Variants in MAMDC2 observed in about 807,000 individuals in gnomAD.
MAMDC2 encodes the protein MAM domain containing 2, also known as MAM domain-containing protein 2.
In MAMDC2, 57 loss-of-function variants were observed where a neutral mutation model predicts 89.8. The observed-to-expected ratio is 0.63, with a 90% CI of 0.51 to 0.79. MAMDC2 has a LOEUF of 0.79. Ranked by LOEUF, MAMDC2 falls within the 30% of genes least tolerant of loss-of-function variation. MAMDC2 has a pLI of 0.00. For synonymous variants in MAMDC2, 313 were observed against 293.4 expected (o/e 1.07, Z -0.68); for missense variants, 800 against 820.6 (o/e 0.97, Z 0.31).
intron 12 of MAMDC2, among the ~76,000 whole-genome samples, chr9:70,218,974 A>C (rs1043944448): frequency 1.3e-5 from 2 of 152,132 alleles, no homozygotes; most frequent in African/African-American, 4.8e-5. Flanking sequence ...ATCATTACTC[A>C]CATACATCTA....
chr9:70,058,811 G>T (rs1462642409), intron 2 of MAMDC2, among the ~76,000 whole-genome samples: 2 of 152,222 alleles, frequency 1.3e-5, no homozygotes, highest in East Asian at 1.9e-4. Flanking sequence ...TACACAGGGA[G>T]AATTGAATTC....
At chr9:70,133,516 C>T (rs59589460) in intron 7 of MAMDC2, among the ~76,000 whole-genome samples, 10,451 of 152,268 alleles carry the variant, frequency 0.069, 563 homozygotes, top group East Asian at 0.22. Flanking sequence ...AACCAAGTCT[C>T]CATACTGATC....
rs1827651025 is a variant in MAMDC2, at chr9:70,081,409, G to C, written c.149-26802G>C. 2.6e-5 allele frequency: 4 copies of C among 152,212 alleles called. 1 individual carries two copies. Among genetic ancestry groups the C allele is most frequent in the South Asian group, 2.1e-4 (1 of 4,820 alleles). The allele number at this position is 152,212 out of a possible 1,614,324, so 9.4% of individuals were successfully genotyped here. A position where few individuals can be genotyped will look rare whatever the true frequency, so the allele number is the denominator to read the frequency against. ...TGTAATTGATGACCAGGGAGGCACT[G>C]TCCTCTCCTGCCCCTTGCTTGGGAT... On this transcript the variant is annotated intron_variant, in intron 2 of 13. Transcript: ENST00000377182.
chr9:70,198,459 A>G (rs1018661516), intron 11 of MAMDC2, among the ~76,000 whole-genome samples: 6 of 152,034 alleles, frequency 3.9e-5, no homozygotes, highest in African/African-American at 1.4e-4. Flanking sequence ...GTTGACCTGG[A>G]GTTTACAGGG....
At chr9:70,087,234 G>GA (rs1827789593) in intron 2 of MAMDC2, 1 of 152,070 alleles carries the variant, frequency 6.6e-6, no homozygotes, top group African/African-American at 2.4e-5. Context: ...GACCCCAAGT[G>GA]AAAAATACTC....
intron 11 of MAMDC2, among the ~76,000 whole-genome samples, chr9:70,212,721 A>G (rs1012802111): frequency 6.6e-6 from 1 of 152,198 alleles, no homozygotes; most frequent in Non-Finnish European, 1.5e-5. Context: ...TGGGAGCTGT[A>G]GACTGTAGCT....
At chr9:70,094,797 CAAAT>C (rs1482273419) in intron 2 of MAMDC2, among the ~76,000 whole-genome samples, 1 of 151,842 alleles carries the variant, frequency 6.6e-6, no homozygotes, top group Non-Finnish European at 1.5e-5. Context: ...AGTAGTCAGA[CAAAT>C]AAAAATTAAA....
chr9:70,112,959 G>A (rs2118277914), intron 4 of MAMDC2, 36 bp from the exon 5 acceptor site: 1 of 1,613,360 alleles, frequency 6.2e-7, no homozygotes, highest in Non-Finnish European at 8.5e-7. Context: ...AGGTGTGACT[G>A]TGTCTCCATG....
intron 9 of MAMDC2, among the ~76,000 whole-genome samples, chr9:70,160,206 T>TGC (rs919347495): frequency 1.3e-5 from 2 of 151,806 alleles, no homozygotes; most frequent in African/African-American, 4.8e-5. Context: ...AGGGAGACCC[T>TGC]GTCTCCAGAA....
chr9:70,137,621 C>A (rs2031056693), intron 7 of MAMDC2, among the ~76,000 whole-genome samples: 1 of 152,140 alleles, frequency 6.6e-6, no homozygotes, highest in African/African-American at 2.4e-5. Flanking sequence ...TGGAAATTGA[C>A]AAATTGAGAA....
rs558074234 is a variant in MAMDC2, at chr9:70,154,639, C to A, written c.1404+10820C>A. ...TCCTGGGCTCAAGCAGTCCTCCCAC[C>A]TCAGCTTCCCAAGTAGCTGGGGTGC... On this transcript the variant is annotated intron_variant, in intron 9 of 13. Coordinates refer to ENST00000377182, the MANE Select transcript of MAMDC2 (RefSeq NM_153267.5). Among the ~76,000 whole-genome samples, 43 of 151,570 alleles carry A rather than the reference C, an allele frequency of 2.8e-4. 1 individual carries two copies. In the South Asian group the frequency reaches 9.0e-3, roughly 32 times the overall value.
intron 11 of MAMDC2, among the ~76,000 whole-genome samples, chr9:70,179,916 A>G (rs1350038266): frequency 6.7e-6 from 1 of 148,264 alleles, no homozygotes; most frequent in East Asian, 2.0e-4. Flanking sequence ...AGTGCAGAAC[A>G]TGCAGGTTTG....
intron 2 of MAMDC2, among the ~76,000 whole-genome samples, chr9:70,085,000 A>G (rs1827734961): frequency 6.6e-6 from 1 of 152,098 alleles, no homozygotes; most frequent in Admixed American, 6.6e-5. Context: ...TAACAGATAC[A>G]TAATTTACTA....
chr9:70,144,150 C>G (rs1256599821), intron 9 of MAMDC2, among the ~76,000 whole-genome samples: 1 of 148,662 alleles, frequency 6.7e-6, no homozygotes, highest in Non-Finnish European at 1.5e-5. Context: ...CTCTCTCTCT[C>G]TTTTTCTTTC....
At chr9:70,109,621 T>G (rs3015215) in intron 3 of MAMDC2, 99 bp from the exon 4 acceptor site, 82 of 933,620 alleles carry the variant, frequency 8.8e-5, no homozygotes, top group Non-Finnish European at 1.5e-5. Context: ...TGTTTTGCCT[T>G]AAGTGGCTGA....
chr9:70,099,932 G>A (rs1301645226), intron 2 of MAMDC2, among the ~76,000 whole-genome samples: 1 of 150,538 alleles, frequency 6.6e-6, no homozygotes, highest in Non-Finnish European at 1.5e-5. Context: ...CTGAGGTTAC[G>A]CCACTGCACT....
chr9:70,191,254 G>T (rs916431748), intron 11 of MAMDC2, among the ~76,000 whole-genome samples: 2 of 152,078 alleles, frequency 1.3e-5, no homozygotes, highest in African/African-American at 4.8e-5. Context: ...TTATGGAGAA[G>T]ATTTTCAGAA....
At chr9:70,111,268 T>C (rs546348615) in intron 4 of MAMDC2, among the ~76,000 whole-genome samples, 21 of 151,770 alleles carry the variant, frequency 1.4e-4, no homozygotes, top group Non-Finnish European at 2.5e-4. Context: ...AGGAGGAATA[T>C]CCTGGTTATG....
chr9:70,134,017 T>C (rs1465719548), intron 7 of MAMDC2, among the ~76,000 whole-genome samples: 1 of 152,218 alleles, frequency 6.6e-6, no homozygotes, highest in Non-Finnish European at 1.5e-5. Flanking sequence ...ATTTCACAAA[T>C]AGTTTATGCC....
Sources: allele counts gnomAD v4.1 joint callset (sites outside exome capture counted in the v4.1 genomes callset), GRCh38; gene constraint gnomAD v4.1.1; transcripts MANE v1.5; gene names NCBI Gene and HGNC (gene_info 2026-07-23, HGNC 2026-07-21).